Variants in PKD1 observed in about 807,000 individuals in gnomAD.
PKD1 encodes polycystin-1.
PKD1 carries 81 observed loss-of-function variants against 361.7 expected under a neutral mutation model. The observed-to-expected ratio is 0.22, with a 90% CI of 0.19 to 0.27. The LOEUF (loss-of-function observed/expected upper bound fraction) is 0.27, where lower values mean the gene tolerates loss of function less well. PKD1 is among the 10% of genes least tolerant of loss of function. PKD1 has a pLI of 1.00. For synonymous variants in PKD1, 3,615 were observed against 2,818.3 expected (o/e 1.28, Z -8.95); for missense variants, 6,399 against 6,118.3 (o/e 1.05, Z -1.53).
rs1317093765 is a variant in PKD1 at position 2,091,840 on chromosome 16, G to A, written c.11478C>T (p.Ser3826=). Residue 3826 remains serine, a synonymous_variant, in exon 41 of 46, where the codon AGC becomes AGT. Transcript: ENST00000262304. ...SGGYVQELGL[S]LEESRDRLRF... ...GCAGCCGGTCGCGGCTCTCCTCCAG[G>A]CTCAGGCCCAGCTCCTGCACGTAGC... 6.2e-7 allele frequency: 1 copy of A among 1,610,192 alleles called. No individual in the cohort carries two copies. The highest frequency in any genetic ancestry group is 8.5e-7 in the Non-Finnish European group (1 of 1,179,078).
Position 2,089,958 on chromosome 16 carries a change from G to A in PKD1, c.12681C>T (p.Asp4227=). Residue 4227 remains aspartate, a synonymous_variant, in exon 46 of 46, where the codon GAC becomes GAT. Coordinates refer to ENST00000262304, the MANE Select transcript of PKD1 (RefSeq NM_001009944.3). ...CGTCCTCTGTGGCCTGGTTGAGTCG[G>A]TCAAACTGGGTGAGCAGGGCCTCGA... ...AVFEALLTQF[D]RLNQATEDVY... is the part of the protein sequence containing the mutation. 3 of 1,612,230 alleles carry A rather than the reference G, an allele frequency of 1.9e-6. No homozygotes were observed. The highest frequency in any genetic ancestry group is 2.2e-5 in the South Asian group (2 of 90,948).
At chr16:2,131,101 G>C (rs1302593245) in intron 1 of PKD1, among the ~76,000 whole-genome samples, 5 of 152,194 alleles carry the variant, frequency 3.3e-5, no homozygotes, top group African/African-American at 7.2e-5. Flanking sequence ...CAGCACCACG[G>C]AGGTGACACC....
At chr16:2,093,260 T>C in intron 37 of PKD1, 167 bp from the exon 38 acceptor site, 1 of 807,234 alleles carries the variant, frequency 1.2e-6, no homozygotes, top group Admixed American at 2.2e-5. Flanking sequence ...GCACACACCC[T>C]GCCCGGAACC....
chr16:2,110,556 C>T lies in PKD1; in HGVS notation c.4611G>A (p.Glu1537=), dbSNP rs1311308772. ...GCTTCACCGTCACATTGAGCCAGGCCTCGCTGCGGCTCACCTCATTCCAGC... is the reference window on the plus strand; with the variant it reads ...GCTTCACCGTCACATTGAGCCAGGCTTCGCTGCGGCTCACCTCATTCCAGC... ...VAGWNEVSRS[E]AWLNVTVKRR... is the part of the protein sequence containing the mutation. Residue 1537 remains glutamate, a synonymous_variant, in exon 15 of 46, where the codon GAG becomes GAA. Coordinates refer to ENST00000262304, the MANE Select transcript of PKD1 (RefSeq NM_001009944.3). The T allele has an allele frequency of 1.2e-6, 2 of 1,611,338 alleles. No individual in the cohort carries two copies. The highest frequency in any genetic ancestry group is 2.2e-5 in the East Asian group (1 of 44,884).
Position 2,116,936 on chromosome 16 carries a change from G to A in PKD1, c.1503C>T (p.His501=), listed in dbSNP as rs1596586484. 6.6e-7 allele frequency: 1 copy of A among 1,514,942 alleles called. No homozygotes were observed. 93.8% of individuals were successfully genotyped at this position (1,514,942 alleles called of 1,614,324 possible). Reference sequence around the variant, plus strand: ...GGACGCAGTGCTCGGCTGTGGCTGGGTGTGGCTCCCCGGGCAGCCAGTTCT... The same window carrying A: ...GGACGCAGTGCTCGGCTGTGGCTGGATGTGGCTCCCCGGGCAGCCAGTTCT... ...SCQNWLPGEP[H]PATAEHCVRL... is the part of the protein sequence containing the mutation. Residue 501 remains histidine, a synonymous_variant, in exon 7 of 46, where the codon CAC becomes CAT. Coordinates refer to ENST00000262304, the MANE Select transcript of PKD1 (RefSeq NM_001009944.3).
In PKD1 at chr16:2,111,874, G is replaced by A. The variant is rs369559312; in HGVS notation, c.3296-3C>T. The A allele has an allele frequency of 3.1e-6, 5 of 1,610,004 alleles. No individual in the cohort carries two copies. The African/African-American group carries it at 4.0e-5, about 13-fold the overall frequency. On this transcript the variant is annotated splice_polypyrimidine_tract_variant and splice_region_variant and intron_variant, in intron 14 of 45. Coordinates refer to ENST00000262304, the MANE Select transcript of PKD1 (RefSeq NM_001009944.3). Reference sequence around the variant, plus strand: ...CAGCACGGTCAGGAGGTACTCACCTGTGGGGACAGGCCCGAGTGGGGCAGC... The same window carrying A: ...CAGCACGGTCAGGAGGTACTCACCTATGGGGACAGGCCCGAGTGGGGCAGC...
At chr16:2,121,110 A>C (rs2092713365) in intron 1 of PKD1, among the ~76,000 whole-genome samples, 1 of 152,116 alleles carries the variant, frequency 6.6e-6, no homozygotes, top group Non-Finnish European at 1.5e-5. Context: ...TCCTGCCTGT[A>C]ATCCCAGCAC....
Position 2,135,586 on chromosome 16 carries a change from G to A in PKD1, c.104C>T (p.Pro35Leu), listed in dbSNP as rs1007755475. 5 of 1,053,272 alleles carry A rather than the reference G, an allele frequency of 4.7e-6. No homozygotes were observed. Among genetic ancestry groups the A allele is most frequent in the Admixed American group, 5.6e-5 (1 of 17,932 alleles). The allele number at this position is 1,053,272 out of a possible 1,614,324, so 65.2% of individuals were successfully genotyped here. The change falls in exon 1 of 46, where the codon CCC becomes CTC. Residue 35 changes from proline (P) to leucine (L), a missense_variant. Coordinates refer to ENST00000262304, the MANE Select transcript of PKD1 (RefSeq NM_001009944.3). ...GPGRGCGPCE[P>L]PCLCGPAPGA... Reference sequence around the variant, plus strand: ...GGGCGCTGGGCCGCAGAGGCAGGGGGGCTCGCAGGGCCCGCAGCCGCGCCC... The same window carrying A: ...GGGCGCTGGGCCGCAGAGGCAGGGGAGCTCGCAGGGCCCGCAGCCGCGCCC...
In PKD1 at chr16:2,093,648, G is replaced by A. The variant is rs1209735802; in HGVS notation, c.10912C>T (p.Pro3638Ser). Residue 3638 changes from proline (P) to serine (S), a missense_variant, in exon 37 of 46, where the codon CCT becomes TCT. By Grantham distance (74) the Pro-to-Ser change is moderately conservative. Coordinates refer to ENST00000262304, the MANE Select transcript of PKD1 (RefSeq NM_001009944.3). Reference protein sequence around the residue: ...DTLVESPAVTPVSARVPRVRP... With the variant: ...DTLVESPAVTSVSARVPRVRP... ...ACGCGGGGCACACGTGCGCTCACAG[G>A]CGTCACAGCCGGGCTCTCTACCAGG... 12 of 1,608,944 alleles carry A rather than the reference G, an allele frequency of 7.5e-6. No individual in the cohort carries two copies. Among genetic ancestry groups the A allele is most frequent in the Non-Finnish European group, 1.0e-5 (12 of 1,178,190 alleles).
rs2091363431 is a variant in PKD1, at chr16:2,089,632, C to T, written c.*95G>A. 2.1e-6 allele frequency: 3 copies of T among 1,436,898 alleles called. No individual in the cohort carries two copies. Among genetic ancestry groups the T allele is most frequent in the South Asian group, 1.2e-5 (1 of 81,164 alleles). The allele number at this position is 1,436,898 out of a possible 1,614,324, so 89.0% of individuals were successfully genotyped here. The stretch of plus-strand genomic sequence containing the variant: ...TGCTCTCTGGGGAACCTACGTGCAG[C>T]CATTCTGCCTGGCCCTCGGCCTTGA... On this transcript the variant is annotated 3_prime_UTR_variant, in exon 46 of 46. Coordinates refer to ENST00000262304, the MANE Select transcript of PKD1 (RefSeq NM_001009944.3).
rs781284894 is a variant in PKD1, at chr16:2,090,308, T to G, written c.12421A>C (p.Met4141Leu). The G allele has an allele frequency of 6.2e-7, 1 of 1,611,174 alleles. No homozygotes were observed. Among genetic ancestry groups the G allele is most frequent in the Non-Finnish European group, 8.5e-7 (1 of 1,178,924 alleles). Residue 4141 changes from methionine (M) to leucine (L), a missense_variant, in exon 45 of 46, where the codon ATG becomes CTG. Physicochemically the swap from Met to Leu is conservative, Grantham distance 15. Coordinates refer to ENST00000262304, the MANE Select transcript of PKD1 (RefSeq NM_001009944.3). ...ACCTCCTTGACCTTGCTGAGGCCCA[T>G]CCAGAGGCGCAGCCTGCGCAGGAAC... Reference protein sequence around the residue: ...ELFLRRLRLWMGLSKVKEFRH... With the variant: ...ELFLRRLRLWLGLSKVKEFRH...
intron 1 of PKD1, among the ~76,000 whole-genome samples, chr16:2,120,570 T>C (rs1407530755): frequency 6.6e-6 from 1 of 152,146 alleles, no homozygotes; most frequent in African/African-American, 2.4e-5. Flanking sequence ...GGCATGGTAG[T>C]GTGTAACTGT....
At position 2,118,100 on chromosome 16, in the gene PKD1, G is replaced by A. The variant is rs1465608360; in HGVS notation, c.892C>T (p.Leu298Phe). 6.2e-6 allele frequency: 10 copies of A among 1,606,346 alleles called. No homozygotes were observed. The highest frequency in any genetic ancestry group is 8.5e-6 in the Non-Finnish European group (10 of 1,178,512). Residue 298 changes from leucine to phenylalanine, a missense_variant, in exon 5 of 46, where the codon CTC (leucine) becomes TTC (phenylalanine). By Grantham distance (22) the Leu-to-Phe change is conservative (BLOSUM62 0). Transcript: ENST00000262304. This position sits in a 1 kb window ranked among gnomAD's most constrained non-coding sequence, Gnocchi z 6.0. ...QLAAFHIAAPLPVTATRWDFG... is the reference protein window; with the variant it reads ...QLAAFHIAAPFPVTATRWDFG... ...TCCCAGCGTGTGGCAGTGACAGGGA[G>A]CGGGGCAGCGATGTGGAAGGCTGCT...
intron 1 of PKD1, among the ~76,000 whole-genome samples, chr16:2,125,227 C>T (rs2092780785): frequency 6.6e-6 from 1 of 152,192 alleles, no homozygotes; most frequent in Admixed American, 6.5e-5. Context: ...CAGTGCAGCC[C>T]CGGGCTGGGC....
chr16:2,093,044 T>G lies in PKD1; in HGVS notation c.11066A>C (p.Tyr3689Ser), dbSNP rs1567156318. The G allele has an allele frequency of 1.2e-6, 2 of 1,612,806 alleles. No individual in the cohort carries two copies. The highest frequency in any genetic ancestry group is 1.7e-6 in the Non-Finnish European group (2 of 1,179,928). ...LFLLVTLLAS[Y>S]GDASCHGHAY... ...GTGCCCATGGCATGAGGCATCCCCA[T>G]AGCTGGCCAGCAGGGTCACCAGCAG... The change falls in exon 38 of 46, where the codon TAT (tyrosine) becomes TCT (serine). Residue 3689 changes from tyrosine to serine, a missense_variant. Transcript: ENST00000262304.
chr16:2,104,671 G>GCTC (rs1386290860), intron 21 of PKD1, 29 bp from the exon 22 acceptor site: 1 of 1,356,956 alleles, frequency 7.4e-7, no homozygotes. Flanking sequence ...GTCCAGCCCC[G>GCTC]CTCCTGGCCC....
At chr16:2,097,650 G>C in intron 32 of PKD1, 78 bp downstream of exon 32, 1 of 1,610,628 alleles carries the variant, frequency 6.2e-7, no homozygotes, top group Non-Finnish European at 8.5e-7. Context: ...ACCCAGCAAG[G>C]ACACGCAGCC....
Position 2,112,399 on chromosome 16 carries a change from T to A in PKD1, c.3236A>T (p.Asp1079Val). 1 of 1,587,054 alleles carries A rather than the reference T, an allele frequency of 6.3e-7. No homozygotes were observed. Among genetic ancestry groups the A allele is most frequent in the African/African-American group, 1.4e-5 (1 of 73,706 alleles). ...PPYNESFPVP[D>V]PSVAQVLVEH... ...CACCAGCACCTGGGCCACCGAGGGG[T>A]CTGGAACCGGGAAGGACTCGTTGTA... Residue 1079 changes from aspartate (D) to valine (V), a missense_variant, in exon 14 of 46, where the codon GAC becomes GTC. By Grantham distance (152) the Asp-to-Val change is radical. Transcript: ENST00000262304.
At position 2,090,337 on chromosome 16, in the gene PKD1, T is replaced by A. The variant is rs763459795; in HGVS notation, c.12392A>T (p.Glu4131Val). ...AWEPQDYEMV[E>V]LFLRRLRLWM... ...GAGGCGCAGCCTGCGCAGGAACAACTCCACCATCTCGTAGTCCTGGGGCTC... is the reference window on the plus strand; with the variant it reads ...GAGGCGCAGCCTGCGCAGGAACAACACCACCATCTCGTAGTCCTGGGGCTC... The change falls in exon 45 of 46, where the codon GAG becomes GTG. Residue 4131 changes from glutamate to valine, a missense_variant. Physicochemically the swap from Glu to Val is moderately radical, Grantham distance 121. Coordinates refer to ENST00000262304, the MANE Select transcript of PKD1 (RefSeq NM_001009944.3). 6.8e-6 allele frequency: 11 copies of A among 1,612,026 alleles called. No individual in the cohort carries two copies. Among genetic ancestry groups the A allele is most frequent in the East Asian group, 6.7e-5 (3 of 44,860 alleles).
Sources: allele counts gnomAD v4.1 joint callset (sites outside exome capture counted in the v4.1 genomes callset), GRCh38; gene constraint gnomAD v4.1.1; non-coding constraint Gnocchi (gnomAD v3.1); transcripts MANE v1.5; gene names NCBI Gene and HGNC (gene_info 2026-07-23, HGNC 2026-07-21).